The following CAMK1D variants were observed in gnomAD, a reference collection of about 807,000 sequenced individuals.
CAMK1D encodes calcium/calmodulin-dependent protein kinase type 1D.
CAMK1D carries 9 observed loss-of-function variants against 47.7 expected under a neutral mutation model. That is an observed-to-expected ratio of 0.19 (90% CI 0.11 to 0.33). The LOEUF is 0.33. Ranked by LOEUF, CAMK1D falls within the 10% of genes least tolerant of loss-of-function variation. CAMK1D has a pLI of 1.00. For missense variants in CAMK1D, 291 were observed against 488.7 expected, an observed-to-expected ratio of 0.60 and a Z score of 3.81; for synonymous variants, 184 against 184.9, an observed-to-expected ratio of 0.99 and a Z score of 0.04.
Position 12,607,033 on chromosome 10 carries a change from G to A in CAMK1D, c.224+53677G>A, listed in dbSNP as rs148739677. On this transcript the variant is annotated intron_variant, in intron 2 of 10. Transcript: ENST00000619168. ...AGTAGAGACGGGGTTTCACCATGTT[G>A]GCCAGGATGGTCTCAATCTCTTGAC... Among the ~76,000 whole-genome samples the A allele has an allele frequency of 2.5e-3, 382 of 152,064 alleles. 5 individuals are homozygous for A. The highest frequency in any genetic ancestry group is 8.8e-3 in the African/African-American group (364 of 41,460).
intron 4 of CAMK1D, among the ~76,000 whole-genome samples, chr10:12,763,578 T>A (rs1836602864): frequency 6.6e-6 from 1 of 152,200 alleles, no homozygotes; most frequent in Admixed American, 6.5e-5. Context: ...TAGAGCAGCA[T>A]CCTTGGCTTC....
At position 12,470,039 on chromosome 10, in the gene CAMK1D, C is replaced by G. The variant is rs1252609357; in HGVS notation, c.93-83186C>G. Among the ~76,000 whole-genome samples the G allele has an allele frequency of 2.6e-5, 4 of 152,116 alleles. No homozygotes were observed. In the East Asian group the frequency reaches 7.7e-4, roughly 29 times the overall value. The stretch of plus-strand genomic sequence containing the variant: ...TTTTTCTTTGGACTTGAAGATATGT[C>G]TAAATGATTTCAAATGTTCATTTGT... On this transcript the variant is annotated intron_variant, in intron 1 of 10. Coordinates refer to ENST00000619168, the MANE Select transcript of CAMK1D (RefSeq NM_153498.4).
chr10:12,715,127 A>G (rs1482087551), intron 3 of CAMK1D, among the ~76,000 whole-genome samples: 1 of 152,166 alleles, frequency 6.6e-6, no homozygotes, highest in Non-Finnish European at 1.5e-5. Flanking sequence ...AGCCTCTGGT[A>G]TCTATCATTC....
intron 3 of CAMK1D, among the ~76,000 whole-genome samples, chr10:12,736,366 C>G (rs1443532130): frequency 6.6e-6 from 1 of 152,184 alleles, no homozygotes; most frequent in Non-Finnish European, 1.5e-5. Flanking sequence ...GCTCAGGTCT[C>G]TGACTGTTGA....
chr10:12,578,570 CAAAA>C (rs781669327), intron 2 of CAMK1D, among the ~76,000 whole-genome samples: 2 of 93,340 alleles, frequency 2.1e-5, no homozygotes, highest in Non-Finnish European at 3.9e-5. Flanking sequence ...AACTCCATCT[CAAAA>C]AAAAAAAAAA....
chr10:12,612,137 AG>A (rs1269916424), intron 2 of CAMK1D, among the ~76,000 whole-genome samples: 5 of 152,136 alleles, frequency 3.3e-5, no homozygotes, highest in African/African-American at 1.2e-4. Context: ...TGGGACCTTA[AG>A]GGAAAGCTGC....
rs139042084 is a variant in CAMK1D, at chr10:12,638,984, G to C, written c.225-27752G>C. Among the ~76,000 whole-genome samples, 5 of 152,268 alleles carry C rather than the reference G, an allele frequency of 3.3e-5. No individual in the cohort carries two copies. The East Asian group carries it at 9.7e-4, about 29-fold the overall frequency. ...TCTTCCTTTCTCCTCTTGGAATGTC[G>C]TCTTCGTGAGGGCGGGAACCTCATT... On this transcript the variant is annotated intron_variant, in intron 2 of 10. Transcript: ENST00000619168.
rs112466317 is a variant in CAMK1D, at chr10:12,732,532, C to A, written c.300-28416C>A. Among the ~76,000 whole-genome samples the A allele has an allele frequency of 1.7e-3, 259 of 152,212 alleles. 1 individual carries two copies. Among genetic ancestry groups the A allele is most frequent in the African/African-American group, 6.0e-3 (249 of 41,516 alleles). On this transcript the variant is annotated intron_variant, in intron 3 of 10. Coordinates refer to ENST00000619168, the MANE Select transcript of CAMK1D (RefSeq NM_153498.4). ...TCGTGGCGGGAGGCGAAAGGCACTT[C>A]TTACGTGGTGGCCGCAAGAGAAAAT...
intron 5 of CAMK1D, among the ~76,000 whole-genome samples, chr10:12,787,910 G>A (rs1837804411): frequency 6.6e-6 from 1 of 152,168 alleles, no homozygotes; most frequent in African/African-American, 2.4e-5. Flanking sequence ...TGAGGCAGGA[G>A]AATGGCTTGA....
intron 1 of CAMK1D, among the ~76,000 whole-genome samples, chr10:12,352,025 G>T (rs2997066): frequency 2.0e-5 from 3 of 151,960 alleles, no homozygotes; most frequent in African/African-American, 7.3e-5. Flanking sequence ...ATTATTCTAC[G>T]TGCCTTATGT....
chr10:12,591,333 T>G (rs964770569), intron 2 of CAMK1D, among the ~76,000 whole-genome samples: 1 of 152,190 alleles, frequency 6.6e-6, no homozygotes, highest in Non-Finnish European at 1.5e-5. Context: ...TTGTCGTGAC[T>G]TCCAACTTCG....
chr10:12,512,620 T>C (rs1288293720), intron 1 of CAMK1D, among the ~76,000 whole-genome samples: 1 of 152,176 alleles, frequency 6.6e-6, no homozygotes, highest in Non-Finnish European at 1.5e-5. Flanking sequence ...GGAATTAGAC[T>C]CCGTAGTGGC....
At chr10:12,801,096 C>CAG (rs1371791375) in intron 6 of CAMK1D, among the ~76,000 whole-genome samples, 2 of 152,116 alleles carry the variant, frequency 1.3e-5, no homozygotes, top group African/African-American at 4.8e-5. Context: ...CAGCATCTTT[C>CAG]AGCTGGAGGA....
intron 3 of CAMK1D, among the ~76,000 whole-genome samples, chr10:12,688,758 C>T (rs2130651720): frequency 6.6e-6 from 1 of 152,334 alleles, no homozygotes; most frequent in East Asian, 1.9e-4. Context: ...GATCTCAGCT[C>T]ATCGCAACCT....
chr10:12,502,466 G>A (rs1834734804), intron 1 of CAMK1D, among the ~76,000 whole-genome samples: 1 of 152,130 alleles, frequency 6.6e-6, no homozygotes, highest in African/African-American at 2.4e-5. Flanking sequence ...TCGGCCGCAG[G>A]ACCTGGCCTC....
chr10:12,523,081 G>A (rs923171683), intron 1 of CAMK1D, among the ~76,000 whole-genome samples: 7 of 150,588 alleles, frequency 4.6e-5, no homozygotes, highest in Non-Finnish European at 8.9e-5. Flanking sequence ...GGCGGCTGCC[G>A]GGTGGAGGGG....
intron 2 of CAMK1D, among the ~76,000 whole-genome samples, chr10:12,602,849 G>A (rs1205385957): frequency 1.3e-5 from 2 of 149,330 alleles, no homozygotes; most frequent in African/African-American, 4.9e-5. Flanking sequence ...GGTGGATCTG[G>A]ACCCACAGTG....
At chr10:12,642,180 G>A (rs118149409) in intron 2 of CAMK1D, among the ~76,000 whole-genome samples, 3,789 of 152,226 alleles carry the variant, frequency 0.025, 99 homozygotes, top group Non-Finnish European at 0.031. Context: ...AGGTGAAATC[G>A]GGCTGCGTGA....
intron 3 of CAMK1D, among the ~76,000 whole-genome samples, chr10:12,698,278 A>G (rs1833375026): frequency 6.6e-6 from 1 of 152,222 alleles, no homozygotes; most frequent in East Asian, 1.9e-4. Context: ...TAAGACATTT[A>G]CAGTTACCAT....
Sources: allele counts gnomAD v4.1 joint callset (sites outside exome capture counted in the v4.1 genomes callset), GRCh38; gene constraint gnomAD v4.1.1; transcripts MANE v1.5; gene names NCBI Gene and HGNC (gene_info 2026-07-23, HGNC 2026-07-21).